The following NREP variants were observed in gnomAD, a reference collection of about 807,000 sequenced individuals.
NREP encodes neuronal regeneration-related protein.
In NREP, 5 loss-of-function variants were observed where a neutral mutation model predicts 8.6. That is an observed-to-expected ratio of 0.58 (90% CI 0.30 to 1.22). The LOEUF (loss-of-function observed/expected upper bound fraction) is 1.22, where lower values mean the gene tolerates loss of function less well. NREP is among the 50% of genes most tolerant of loss of function. NREP has a pLI of 0.07. For synonymous variants in NREP, 27 were observed against 28.0 expected (o/e 0.96, Z 0.11); for missense variants, 86 against 82.5 (o/e 1.04, Z -0.17).
At chr5:111,756,128 A>G (rs553380345) in intron 1 of NREP, 1 of 1,084,936 alleles carries the variant, frequency 9.2e-7, no homozygotes, top group South Asian at 3.3e-5. Context: ...AGTAGAACCA[A>G]GTGATAAAAA....
intron 2 of NREP, among the ~76,000 whole-genome samples, chr5:111,869,139 G>A (rs1418000115): frequency 6.6e-6 from 1 of 152,154 alleles, no homozygotes; most frequent in African/African-American, 2.4e-5. Flanking sequence ...GCAACTATGA[G>A]TCTGTATGCA....
chr5:111,862,059 G>T (rs573005854), intron 2 of NREP, among the ~76,000 whole-genome samples: 1 of 151,892 alleles, frequency 6.6e-6, no homozygotes, highest in Non-Finnish European at 1.5e-5. Flanking sequence ...TTATCAATAC[G>T]ATTTATTAAG....
Position 111,817,034 on chromosome 5 carries a change from G to A in NREP, c.136-81527C>T, listed in dbSNP as rs116124388. Among the ~76,000 whole-genome samples the A allele has an allele frequency of 6.8e-3, 1,039 of 152,178 alleles. 13 individuals are homozygous for A. Among genetic ancestry groups the A allele is most frequent in the African/African-American group, 0.024 (997 of 41,534 alleles). ...TGATTTATTCCTATAACTAGTTGAT[G>A]TGCTTTTTAATAATATTTTAATTAT... On this transcript the variant is annotated intron_variant, in intron 2 of 3. Transcript: ENST00000395634.
intron 2 of NREP, among the ~76,000 whole-genome samples, chr5:111,939,523 G>C (rs922848125): frequency 6.6e-6 from 1 of 152,014 alleles, no homozygotes; most frequent in Non-Finnish European, 1.5e-5. Flanking sequence ...AGTATTTGCA[G>C]CATGTCTGTG....
intron 2 of NREP, among the ~76,000 whole-genome samples, chr5:111,771,855 A>G (rs1246520529): frequency 6.6e-6 from 1 of 152,146 alleles, no homozygotes; most frequent in Non-Finnish European, 1.5e-5. Flanking sequence ...TCCTAATGAA[A>G]ACCAAAAGTT....
At chr5:111,873,192 T>C (rs1753828270) in intron 2 of NREP, among the ~76,000 whole-genome samples, 1 of 152,160 alleles carries the variant, frequency 6.6e-6, no homozygotes, top group African/African-American at 2.4e-5. Context: ...GCTATTATTA[T>C]TTTTCATCTG....
intron 3 of NREP, chr5:111,732,969 T>C (rs1748733771): frequency 6.6e-6 from 1 of 152,226 alleles, no homozygotes; most frequent in Non-Finnish European, 1.5e-5. Flanking sequence ...TCTCTCTATT[T>C]AAATCTCAGT....
chr5:111,735,244 A>C, intron 3 of NREP, 186 bp downstream of exon 3: 1 of 455,538 alleles, frequency 2.2e-6, no homozygotes, highest in Non-Finnish European at 3.9e-6. Flanking sequence ...GATAATGTGA[A>C]CTTTAAGTCA....
intron 2 of NREP, among the ~76,000 whole-genome samples, chr5:111,872,900 C>T (rs989156797): frequency 6.6e-6 from 1 of 152,104 alleles, no homozygotes. Context: ...TAGTACATGA[C>T]AAAATTCCTG....
At position 111,852,725 on chromosome 5, in the gene NREP, T is replaced by C. The variant is rs959468367; in HGVS notation, c.136-117218A>G. 5.9e-5 allele frequency among the ~76,000 whole-genome samples: 9 copies of C among 152,212 alleles called. No homozygotes were observed. The South Asian group carries it at 1.5e-3, about 25-fold the overall frequency. On this transcript the variant is annotated intron_variant, in intron 2 of 3. Transcript: ENST00000395634. ...GAGGTAAGTCTTCCTTAGGGTAATATGTTCTGTGACTCAATACAGTGTCAT... is the reference window on the plus strand; with the variant it reads ...GAGGTAAGTCTTCCTTAGGGTAATACGTTCTGTGACTCAATACAGTGTCAT...
chr5:111,863,717 A>G (rs1176449577), intron 2 of NREP, among the ~76,000 whole-genome samples: 1 of 152,162 alleles, frequency 6.6e-6, no homozygotes, highest in African/African-American at 2.4e-5. Context: ...TCAAGTAGTG[A>G]TGAGAAGTTG....
At chr5:111,945,329 C>T (rs1017469408) in intron 2 of NREP, among the ~76,000 whole-genome samples, 3 of 151,790 alleles carry the variant, frequency 2.0e-5, no homozygotes, top group South Asian at 2.1e-4. Context: ...ATGTGCACAA[C>T]GTGCAGGTTT....
chr5:111,765,756 T>G (rs1384906078), intron 2 of NREP, among the ~76,000 whole-genome samples: 2 of 152,214 alleles, frequency 1.3e-5, no homozygotes, highest in African/African-American at 4.8e-5. Flanking sequence ...ATTTCTTGGC[T>G]TCACTTGGTT....
intron 2 of NREP, among the ~76,000 whole-genome samples, chr5:111,926,443 C>T (rs1755387312): frequency 6.6e-6 from 1 of 152,062 alleles, no homozygotes; most frequent in Non-Finnish European, 1.5e-5. Flanking sequence ...TGTGTTGTCC[C>T]ACAGGGCAAA....
chr5:111,744,097 T>A (rs39944), intron 2 of NREP, among the ~76,000 whole-genome samples: 7,632 of 152,252 alleles, frequency 0.05, 315 homozygotes, highest in East Asian at 0.17. Context: ...GCATTCCTCT[T>A]GTTGACATGT....
At position 111,792,073 on chromosome 5, in the gene NREP, C is replaced by G. The variant is rs115788174; in HGVS notation, c.136-56566G>C. On this transcript the variant is annotated intron_variant, in intron 2 of 3. Coordinates refer to the NREP transcript ENST00000395634. The stretch of plus-strand genomic sequence containing the variant: ...ATCACATAAATAATTTGCTTTAGAC[C>G]TAGGTGTGAAGAAACTATCTGTTTC... Among the ~76,000 whole-genome samples, 671 of 152,138 alleles carry G rather than the reference C, an allele frequency of 4.4e-3. 2 individuals carry two copies. The highest frequency in any genetic ancestry group is 0.015 in the African/African-American group (624 of 41,518).
chr5:111,737,038 T>C (rs1051200267), intron 2 of NREP, among the ~76,000 whole-genome samples: 43 of 152,310 alleles, frequency 2.8e-4, no homozygotes, highest in African/African-American at 1.0e-3. Context: ...CTGCAAGAGC[T>C]AGAACTATTT....
At chr5:111,816,181 A>T (rs1397921617) in intron 2 of NREP, among the ~76,000 whole-genome samples, 1 of 152,204 alleles carries the variant, frequency 6.6e-6, no homozygotes, top group South Asian at 2.1e-4. Flanking sequence ...AAGTTTTTGA[A>T]TAAGAGATAG....
intron 2 of NREP, among the ~76,000 whole-genome samples, chr5:111,968,608 C>T (rs1465161097): frequency 6.6e-6 from 1 of 152,156 alleles, no homozygotes; most frequent in Non-Finnish European, 1.5e-5. Context: ...TCAGGAATGT[C>T]TCAACACCAT....
Sources: allele counts gnomAD v4.1 joint callset (sites outside exome capture counted in the v4.1 genomes callset), GRCh38; gene constraint gnomAD v4.1.1; transcripts MANE v1.5; gene names NCBI Gene and HGNC (gene_info 2026-07-23, HGNC 2026-07-21).